Variants in CDH7 observed in about 807,000 individuals in gnomAD.
CDH7 encodes the protein cadherin 7.
CDH7 carries 25 observed loss-of-function variants against 71.8 expected under a neutral mutation model. The observed-to-expected ratio is 0.35, with a 90% CI of 0.25 to 0.49. CDH7 has a LOEUF of 0.49. CDH7 is among the 20% of genes least tolerant of loss of function. The pLI, the probability that CDH7 is intolerant of heterozygous loss-of-function variation, is 0.99. For synonymous variants in CDH7, 381 were observed against 363.8 expected (o/e 1.05, Z -0.54); for missense variants, 862 against 974.6 (o/e 0.88, Z 1.54).
chr18:65,881,032 C>G lies in CDH7; in HGVS notation c.*138C>G. Reference sequence around the variant, plus strand: ...GAGACAGATGGTTGTAAATATTTCTCCATTTTTAATTGTTTAGATTTCTGC... The same window carrying G: ...GAGACAGATGGTTGTAAATATTTCTGCATTTTTAATTGTTTAGATTTCTGC... On this transcript the variant is annotated 3_prime_UTR_variant, in exon 12 of 12. Coordinates refer to ENST00000397968, the MANE Select transcript of CDH7 (RefSeq NM_004361.5). 1.1e-6 allele frequency: 1 copy of G among 872,468 alleles called. No homozygotes were observed. The highest frequency in any genetic ancestry group is 2.7e-5 in the East Asian group (1 of 36,448). The allele number at this position is 872,468 out of a possible 1,614,324, so 54.0% of individuals were successfully genotyped here. A position where few individuals can be genotyped will look rare whatever the true frequency, so the allele number is the denominator to read the frequency against.
intron 7 of CDH7, among the ~76,000 whole-genome samples, chr18:65,855,210 G>T (rs141800169): frequency 5.9e-5 from 9 of 151,922 alleles, no homozygotes; most frequent in African/African-American, 1.9e-4. Context: ...TAAATCCAAA[G>T]CAAGGTGAAG....
chr18:65,786,924 A>G (rs909780437), intron 2 of CDH7, among the ~76,000 whole-genome samples: 1 of 152,094 alleles, frequency 6.6e-6, no homozygotes, highest in African/African-American at 2.4e-5. Context: ...CCTGGCATCA[A>G]ATGATCCTCT....
chr18:65,867,493 C>T (rs1165566565), intron 11 of CDH7, among the ~76,000 whole-genome samples: 1 of 151,980 alleles, frequency 6.6e-6, no homozygotes, highest in Non-Finnish European at 1.5e-5. Context: ...CTATGAATGA[C>T]TAAGACATTC....
intron 11 of CDH7, among the ~76,000 whole-genome samples, chr18:65,872,366 A>G (rs1913953615): frequency 6.6e-6 from 1 of 152,210 alleles, no homozygotes; most frequent in Admixed American, 6.5e-5. Flanking sequence ...CTATTCTTAC[A>G]TAAAATAAAA....
intron 2 of CDH7, among the ~76,000 whole-genome samples, chr18:65,784,337 GAC>G (rs1191595746): frequency 6.6e-6 from 1 of 152,054 alleles, no homozygotes; most frequent in Non-Finnish European, 1.5e-5. Context: ...GAACAAAGTG[GAC>G]ACCTGGGGAA....
intron 6 of CDH7, among the ~76,000 whole-genome samples, chr18:65,841,268 T>C (rs1912722576): frequency 1.3e-5 from 2 of 152,200 alleles, no homozygotes; most frequent in Admixed American, 6.5e-5. Context: ...TCCTTTTAGA[T>C]ACATTTAAAA....
intron 6 of CDH7, among the ~76,000 whole-genome samples, chr18:65,839,476 T>C (rs1361950819): frequency 2.0e-5 from 3 of 152,158 alleles, no homozygotes; most frequent in African/African-American, 7.2e-5. Context: ...AGGTCCCACC[T>C]CCTAATGGCA....
At chr18:65,812,524 A>C (rs1173432277) in intron 3 of CDH7, among the ~76,000 whole-genome samples, 3 of 152,244 alleles carry the variant, frequency 2.0e-5, no homozygotes, top group African/African-American at 7.2e-5. Context: ...ATCAAATAGT[A>C]TGATATAGAC....
intron 2 of CDH7, among the ~76,000 whole-genome samples, chr18:65,786,832 T>A (rs939064430): frequency 2.0e-5 from 3 of 152,096 alleles, no homozygotes; most frequent in Non-Finnish European, 4.4e-5. Context: ...TACAGGTGTA[T>A]GTCACTATGC....
At chr18:65,865,377 T>C (rs867447749) in intron 11 of CDH7, 1 of 152,202 alleles carries the variant, frequency 6.6e-6, no homozygotes, top group Admixed American at 6.5e-5. Flanking sequence ...ATGGCTACTC[T>C]TTCTGCTAAA....
intron 1 of CDH7, among the ~76,000 whole-genome samples, chr18:65,753,247 T>C (rs1915935825): frequency 6.6e-6 from 1 of 152,170 alleles, no homozygotes; most frequent in Non-Finnish European, 1.5e-5. Flanking sequence ...CTCCTCAGAG[T>C]GTATACTGAT....
intron 2 of CDH7, among the ~76,000 whole-genome samples, chr18:65,772,880 T>A (rs1015473855): frequency 1.3e-5 from 2 of 152,162 alleles, no homozygotes; most frequent in African/African-American, 4.8e-5. Context: ...CTGTTTACGA[T>A]CCAATTAAGA....
intron 4 of CDH7, among the ~76,000 whole-genome samples, chr18:65,820,860 G>T (rs1226999901): frequency 1.3e-5 from 2 of 152,084 alleles, no homozygotes; most frequent in African/African-American, 4.8e-5. Context: ...CTGATTAGTT[G>T]AGGGGTTATA....
intron 7 of CDH7, among the ~76,000 whole-genome samples, chr18:65,851,400 G>A (rs765801204): frequency 1.3e-5 from 2 of 152,116 alleles, no homozygotes; most frequent in Non-Finnish European, 2.9e-5. Flanking sequence ...CACTTTGGGA[G>A]TACTGATGAT....
At chr18:65,754,214 A>G (rs12454275) in intron 1 of CDH7, among the ~76,000 whole-genome samples, 54,602 of 152,052 alleles carry the variant, frequency 0.36, 10,233 homozygotes, top group Middle Eastern at 0.48. Context: ...CCATGGCAGA[A>G]GTTGTGCTTA....
At chr18:65,776,739 C>CT in intron 2 of CDH7, among the ~76,000 whole-genome samples, 1 of 152,236 alleles carries the variant, frequency 6.6e-6, no homozygotes. Context: ...CAATCCTATA[C>CT]TTCATAAAGT....
chr18:65,849,822 A>G (rs1209691832), intron 7 of CDH7, among the ~76,000 whole-genome samples: 1 of 152,070 alleles, frequency 6.6e-6, no homozygotes, highest in Non-Finnish European at 1.5e-5. Flanking sequence ...ATTCACTGAA[A>G]ATTACATTTG....
chr18:65,753,602 G>T (rs893801766), intron 1 of CDH7, among the ~76,000 whole-genome samples: 2 of 152,182 alleles, frequency 1.3e-5, no homozygotes, highest in African/African-American at 4.8e-5. Flanking sequence ...CTTGGATGAA[G>T]GAATCAGATG....
rs772196486 is a variant in CDH7 at position 65,862,921 on chromosome 18, G to T, written c.1864+4G>T. ...GCCTGTGTCTTGACATTATTGGGTA[G>T]GTACTGTTTCCAGGGCTTGCTCTGA... On this transcript the variant is annotated splice_donor_region_variant and intron_variant, in intron 11 of 11. Transcript: ENST00000397968. The T allele has an allele frequency of 1.9e-6, 3 of 1,613,028 alleles. No homozygotes were observed. Among genetic ancestry groups the T allele is most frequent in the Non-Finnish European group, 1.7e-6 (2 of 1,179,260 alleles).
Sources: allele counts gnomAD v4.1 joint callset (sites outside exome capture counted in the v4.1 genomes callset), GRCh38; gene constraint gnomAD v4.1.1; transcripts MANE v1.5; gene names NCBI Gene and HGNC (gene_info 2026-07-23, HGNC 2026-07-21).